Variants in SCN4A observed in about 807,000 individuals in gnomAD.
SCN4A encodes the protein sodium voltage-gated channel alpha subunit 4.
SCN4A carries 83 observed loss-of-function variants against 162.0 expected under a neutral mutation model. That is an observed-to-expected ratio of 0.51 (90% CI 0.43 to 0.61). The LOEUF (loss-of-function observed/expected upper bound fraction) is 0.61. SCN4A is among the 20% of genes least tolerant of loss of function. The probability of loss-of-function intolerance (pLI) is 0.00; values close to 1 mark genes in which losing one functional copy is unlikely to be tolerated. For missense variants in SCN4A, 2,196 were observed against 2,462.5 expected, an observed-to-expected ratio of 0.89 and a Z score of 2.29; for synonymous variants, 944 against 985.1, an observed-to-expected ratio of 0.96 and a Z score of 0.78.
chr17:63,960,710 G>A (rs1265564615), intron 11 of SCN4A, among the ~76,000 whole-genome samples: 1 of 152,088 alleles, frequency 6.6e-6, no homozygotes. Flanking sequence ...GCCTGGCCAC[G>A]CTGGAGAAAT....
chr17:63,951,972 A>C lies in SCN4A; in HGVS notation c.2377-72T>G, dbSNP rs1597974016. 1 of 909,510 alleles carries C rather than the reference A, an allele frequency of 1.1e-6. No homozygotes were observed. The highest frequency in any genetic ancestry group is 2.7e-5 in the Admixed American group (1 of 37,296). The allele number at this position is 909,510 out of a possible 1,614,324, so 56.3% of individuals were successfully genotyped here. On this transcript the variant is annotated intron_variant, in intron 13 of 23. Transcript: ENST00000435607. The surrounding 1 kb of genome is among the most constrained non-coding windows in gnomAD (Gnocchi z 4.5). ...AGAGGGTGCCACCTTCAGCCAGCAC[A>C]GGGGTCCTCGGTCTACAGATCCAAA... is the stretch of plus-strand genomic sequence containing the variant.
rs538654017 is a variant in SCN4A, at chr17:63,968,395, G to A, written c.704-40C>T. 39 of 1,536,240 alleles carry A rather than the reference G, an allele frequency of 2.5e-5. No individual in the cohort carries two copies. The East Asian group carries it at 5.9e-4, about 23-fold the overall frequency. The stretch of plus-strand genomic sequence containing the variant: ...GGCAAGGATATTGGCAGGGGGCAGG[G>A]CAGGGTGATAACAGAGCCCCCGCGG... On this transcript the variant is annotated intron_variant, in intron 5 of 23. Coordinates refer to ENST00000435607, the MANE Select transcript of SCN4A (RefSeq NM_000334.4).
chr17:63,943,775 T>C lies in SCN4A; in HGVS notation c.3988A>G (p.Lys1330Glu). 1 of 1,613,016 alleles carries C rather than the reference T, an allele frequency of 6.2e-7. No individual in the cohort carries two copies. Among genetic ancestry groups the C allele is most frequent in the Non-Finnish European group, 8.5e-7 (1 of 1,179,060 alleles). ...GGCCGGGGAATTGGCTTCTGAGGCT[T>C]CTTGGAGCCAAGCTTCTTCATGGCG... is the stretch of plus-strand genomic sequence containing the variant. ...YNAMKKLGSK[K>E]PQKPIPRPQN... The change falls in exon 22 of 24, where the codon AAG becomes GAG. Residue 1330 changes from lysine to glutamate, a missense_variant. Physicochemically the swap from Lys to Glu is moderately conservative, Grantham distance 56. Coordinates refer to ENST00000435607, the MANE Select transcript of SCN4A (RefSeq NM_000334.4).
In SCN4A at chr17:63,968,141, C is replaced by A; in HGVS notation, c.918G>T (p.Trp306Cys). The A allele has an allele frequency of 6.2e-7, 1 of 1,613,902 alleles. No homozygotes were observed. The highest frequency in any genetic ancestry group is 8.5e-7 in the Non-Finnish European group (1 of 1,179,854). ...SNDTWYGNDT[W>C]YGNEMWYGND... ...TGCCGTACCACATCTCATTGCCATA[C>A]CATGTGTCATTGCCGTACCACGTGT... The change falls in exon 6 of 24, where the codon TGG becomes TGT. Residue 306 changes from tryptophan to cysteine, a missense_variant. Physicochemically the swap from Trp to Cys is radical, Grantham distance 215. Coordinates refer to ENST00000435607, the MANE Select transcript of SCN4A (RefSeq NM_000334.4).
intron 5 of SCN4A, among the ~76,000 whole-genome samples, chr17:63,970,492 C>T (rs1909579750): frequency 1.3e-5 from 2 of 152,134 alleles, no homozygotes. Flanking sequence ...GAGACAGAGT[C>T]TTGTTCTTTT....
intron 10 of SCN4A, among the ~76,000 whole-genome samples, chr17:63,963,389 G>A (rs1376704955): frequency 2.0e-5 from 3 of 152,240 alleles, no homozygotes; most frequent in Non-Finnish European, 4.4e-5. Context: ...TCCCATAGCA[G>A]CCTGGCCTTG....
chr17:63,972,296 C>T lies in SCN4A; in HGVS notation c.392+56G>A, dbSNP rs1909636692. On this transcript the variant is annotated intron_variant, in intron 2 of 23. Transcript: ENST00000435607. The surrounding 1 kb of genome is among the most constrained non-coding windows in gnomAD (Gnocchi z 4.3). ...TGATAGAGGGTCTCCTGGGCCACAG[C>T]ACCCCATCTCGCCCATCCCTAACCC... 1.9e-6 allele frequency: 3 copies of T among 1,586,410 alleles called. No individual in the cohort carries two copies. The highest frequency in any genetic ancestry group is 2.6e-6 in the Non-Finnish European group (3 of 1,159,900).
intron 5 of SCN4A, among the ~76,000 whole-genome samples, chr17:63,969,848 G>A (rs1002787040): frequency 2.6e-5 from 4 of 152,030 alleles, no homozygotes; most frequent in African/African-American, 9.7e-5. Flanking sequence ...TCACCACGTT[G>A]GCCAGGCTGG....
At position 63,947,422 on chromosome 17, in the gene SCN4A, CG is replaced by C. The variant is rs35533633; in HGVS notation, c.3319-256del. ...TAGGAGGGATGGTACCCGACTCCTT[CG>C]GGGAGGCCTGTGAGCCCATCTAAGA... is the stretch of plus-strand genomic sequence containing the variant. On this transcript the variant is annotated intron_variant, in intron 17 of 23. Coordinates refer to ENST00000435607, the MANE Select transcript of SCN4A (RefSeq NM_000334.4). Among the ~76,000 whole-genome samples the C allele has an allele frequency of 0.31, 47,084 of 151,970 alleles. 7,558 individuals are homozygous for C. Among genetic ancestry groups the C allele is most frequent in the East Asian group, 0.41 (2,135 of 5,152 alleles).
At chr17:63,967,398 C>T (rs2059023032) in intron 6 of SCN4A, among the ~76,000 whole-genome samples, 1 of 152,092 alleles carries the variant, frequency 6.6e-6, no homozygotes, top group East Asian at 1.9e-4. Flanking sequence ...GGTGATCTGC[C>T]TGCCTCGCCC....
In SCN4A at chr17:63,938,984, T is replaced by G. The variant is rs1598404032; in HGVS notation, c.*1787A>C. 1 of 148,682 alleles carries G rather than the reference T, an allele frequency of 6.7e-6. No homozygotes were observed. Among genetic ancestry groups the G allele is most frequent in the African/African-American group, 2.5e-5 (1 of 39,690 alleles). 9.2% of individuals were successfully genotyped at this position (148,682 alleles called of 1,614,324 possible). Reference sequence around the variant, plus strand: ...AAACAGGAAGGGGAGGAGAGGGGAGTGAGAGAGAGGGCTGTTCAGGCAGGA... The same window carrying G: ...AAACAGGAAGGGGAGGAGAGGGGAGGGAGAGAGAGGGCTGTTCAGGCAGGA... On this transcript the variant is annotated 3_prime_UTR_variant, in exon 24 of 24. Transcript: ENST00000435607.
rs1294184404 is a variant in SCN4A at position 63,950,456 on chromosome 17, A to T, written c.2854-928T>A. Among the ~76,000 whole-genome samples the T allele has an allele frequency of 6.6e-6, 1 of 151,944 alleles. No individual in the cohort carries two copies. The highest frequency in any genetic ancestry group is 1.5e-5 in the Non-Finnish European group (1 of 67,970). On this transcript the variant is annotated intron_variant, in intron 14 of 23. Transcript: ENST00000435607. The surrounding 1 kb of genome is among the most constrained non-coding windows in gnomAD (Gnocchi z 4.6). ...CCAGGCCCCGGCCCCGGCCCCGGGG[A>T]GCCTGGGACTTTGGTGCTCTCCAGC... is the stretch of plus-strand genomic sequence containing the variant.
chr17:63,942,704 C>T (rs548922453), intron 23 of SCN4A, 122 bp downstream of exon 23: 64 of 1,011,036 alleles, frequency 6.3e-5, no homozygotes, highest in African/African-American at 2.6e-4. Context: ...ATGGCAGGCA[C>T]GCACAGGCAT....
chr17:63,963,650 C>A, intron 10 of SCN4A, 22 bp downstream of exon 10: 1 of 1,537,012 alleles, frequency 6.5e-7, no homozygotes, highest in Non-Finnish European at 8.8e-7. Flanking sequence ...CCTAAGTGGG[C>A]ACGGGGGCAC....
At chr17:63,942,296 A>T (rs79250390) in intron 23 of SCN4A, among the ~76,000 whole-genome samples, 5 of 131,366 alleles carry the variant, frequency 3.8e-5, no homozygotes, top group South Asian at 2.3e-4. Flanking sequence ...TGTGTGTGTG[A>T]AAGAGACAGA....
At chr17:63,947,013 C>T (rs1323691362) in intron 18 of SCN4A, 32 bp downstream of exon 18, 2 of 1,459,526 alleles carry the variant, frequency 1.4e-6, no homozygotes, top group Non-Finnish European at 1.9e-6. Context: ...CCCCCATCCC[C>T]AGCCCACCCC....
rs747517082 is a variant in SCN4A at position 63,944,834 on chromosome 17, G to C, written c.3775-24C>G. The C allele has an allele frequency of 6.2e-7, 1 of 1,611,682 alleles. No individual in the cohort carries two copies. Among genetic ancestry groups the C allele is most frequent in the East Asian group, 2.2e-5 (1 of 44,806 alleles). On this transcript the variant is annotated intron_variant, in intron 20 of 23. Coordinates refer to ENST00000435607, the MANE Select transcript of SCN4A (RefSeq NM_000334.4). This position sits in a 1 kb window ranked among gnomAD's most constrained non-coding sequence, Gnocchi z 4.3. ...TTCTGTGGGAGCCACAGGGTGGGAC[G>C]GCGTGGGTTTGCACGCTGGCTTCTC...
chr17:63,950,947 G>T lies in SCN4A; in HGVS notation c.2853+477C>A, dbSNP rs142133087. Among the ~76,000 whole-genome samples, 1 of 152,324 alleles carries T rather than the reference G, an allele frequency of 6.6e-6. No homozygotes were observed. The highest frequency in any genetic ancestry group is 1.5e-5 in the Non-Finnish European group (1 of 68,020). On this transcript the variant is annotated intron_variant, in intron 14 of 23. Transcript: ENST00000435607. This position sits in a 1 kb window ranked among gnomAD's most constrained non-coding sequence, Gnocchi z 4.6. ...GCTCCTCTCCTGAATCCCCTGCCTG[G>T]ATCTGGCACTTTGGCCCACACTGGG...
rs1340468030 is a variant in SCN4A at position 63,942,744 on chromosome 17, G to C, written c.4288+82C>G. 3 of 1,394,044 alleles carry C rather than the reference G, an allele frequency of 2.2e-6. No homozygotes were observed. In the African/African-American group the frequency reaches 4.3e-5, roughly 20 times the overall value. 86.4% of individuals were successfully genotyped at this position (1,394,044 alleles called of 1,614,324 possible). A position where few individuals can be genotyped will look rare whatever the true frequency, so the allele number is the denominator to read the frequency against. Reference sequence around the variant, plus strand: ...CTGGGTGAGCGTGTGAGGGTGCAGGGGCAGGTGTGTCCGTGTGAGGATGGG... The same window carrying C: ...CTGGGTGAGCGTGTGAGGGTGCAGGCGCAGGTGTGTCCGTGTGAGGATGGG... On this transcript the variant is annotated intron_variant, in intron 23 of 23. Transcript: ENST00000435607.
Sources: gnomAD v4.1 joint callset for allele counts (sites outside exome capture counted in the v4.1 genomes callset) on GRCh38, gnomAD v4.1.1 for gene constraint, Gnocchi (gnomAD v3.1) non-coding constraint, MANE v1.5 for transcripts, NCBI Gene and HGNC (gene_info 2026-07-23, HGNC 2026-07-21) for gene names.